Variants in DNAH5 observed in about 807,000 individuals in gnomAD.
DNAH5 encodes axonemal beta dynein heavy chain 5.
A neutral mutation model predicts 518.2 loss-of-function variants in DNAH5; 372 were observed. The ratio of observed to expected loss-of-function variants is 0.72; its 90% confidence interval spans 0.66 to 0.78. The LOEUF (loss-of-function observed/expected upper bound fraction) is 0.78, where lower values mean the gene tolerates loss of function less well. Among genes scored for constraint, DNAH5 ranks in the 30% least tolerant of loss-of-function variants. The probability of loss-of-function intolerance (pLI) is 0.00; values close to 1 mark genes in which losing one functional copy is unlikely to be tolerated. For synonymous variants in DNAH5, 2,039 were observed against 2,025.9 expected, an observed-to-expected ratio of 1.01 and a Z score of -0.17; for missense variants, 5,523 against 5,687.0, an observed-to-expected ratio of 0.97 and a Z score of 0.93.
intron 75 of DNAH5, among the ~76,000 whole-genome samples, chr5:13,711,101 A>G (rs1743421886): frequency 6.6e-6 from 1 of 152,186 alleles, no homozygotes; most frequent in Admixed American, 6.5e-5. Flanking sequence ...CGATGGACAT[A>G]GATGCTAAAA....
At chr5:13,864,802 T>C (rs1013665846) in intron 27 of DNAH5, among the ~76,000 whole-genome samples, 165 bp from the exon 28 acceptor site, 9 of 152,162 alleles carry the variant, frequency 5.9e-5, no homozygotes, top group Non-Finnish European at 1.0e-4. Flanking sequence ...TACAGATGAC[T>C]TTTATATTAC....
At chr5:13,753,678 G>A in intron 62 of DNAH5, 129 bp from the exon 63 acceptor site, 2 of 845,624 alleles carry the variant, frequency 2.4e-6, no homozygotes, top group Admixed American at 2.8e-5. Flanking sequence ...CAAACTGGAG[G>A]CACAAGTGGC....
intron 74 of DNAH5, among the ~76,000 whole-genome samples, chr5:13,715,830 T>C (rs1744212041): frequency 6.6e-6 from 1 of 152,212 alleles, no homozygotes; most frequent in Non-Finnish European, 1.5e-5. Flanking sequence ...CATTTGGCAA[T>C]TTCAGGAGAC....
intron 1 of DNAH5, among the ~76,000 whole-genome samples, chr5:13,958,618 T>A (rs987138301): frequency 6.6e-6 from 1 of 152,198 alleles, no homozygotes; most frequent in Non-Finnish European, 1.5e-5. Flanking sequence ...ACAGCCATTT[T>A]ATTTTCGTAA....
At chr5:13,805,979 T>C (rs1019968997) in intron 47 of DNAH5, among the ~76,000 whole-genome samples, 2 of 152,168 alleles carry the variant, frequency 1.3e-5, no homozygotes, top group Non-Finnish European at 2.9e-5. Context: ...AGAACTACAC[T>C]GTAGGCCTAA....
At chr5:13,993,075 A>G (rs1472863216) in intron 1 of DNAH5, among the ~76,000 whole-genome samples, 1 of 152,256 alleles carries the variant, frequency 6.6e-6, no homozygotes, top group Non-Finnish European at 1.5e-5. Context: ...ATGGAAAGTC[A>G]TAGACACAGA....
chr5:13,844,702 G>C (rs956660588), intron 32 of DNAH5, 135 bp downstream of exon 32: 114 of 1,124,706 alleles, frequency 1.0e-4, no homozygotes, highest in Non-Finnish European at 1.4e-4. Context: ...CCCGAGATTT[G>C]TTTTTAGTCA....
chr5:13,758,142 A>G (rs1471277497), intron 61 of DNAH5, among the ~76,000 whole-genome samples: 1 of 152,066 alleles, frequency 6.6e-6, no homozygotes, highest in East Asian at 1.9e-4. Flanking sequence ...GGTTACTTAG[A>G]AACTCAGGTA....
intron 11 of DNAH5, among the ~76,000 whole-genome samples, chr5:13,912,391 G>A (rs1776095811): frequency 6.6e-6 from 1 of 151,222 alleles, no homozygotes; most frequent in African/African-American, 2.4e-5. Context: ...TACAAAATTA[G>A]TTCTATTTAG....
chr5:13,695,732 G>T (rs971957327), intron 78 of DNAH5, among the ~76,000 whole-genome samples: 1 of 152,056 alleles, frequency 6.6e-6, no homozygotes, highest in East Asian at 1.9e-4. Flanking sequence ...GTATGTGCCT[G>T]GTATAGTATG....
Position 13,824,314 on chromosome 5 carries a change from A to T in DNAH5, c.6464T>A (p.Leu2155Gln). The change falls in exon 39 of 79, where the codon CTG (leucine) becomes CAG (glutamine). Residue 2155 changes from leucine (L) to glutamine (Q), a missense_variant. Coordinates refer to ENST00000265104, the MANE Select transcript of DNAH5 (RefSeq NM_001369.3). ...LSKQVHYDFG[L>Q]RNILSVLRTL... is the part of the protein sequence containing the mutation. The stretch of plus-strand genomic sequence containing the variant: ...CCGAAGAACTGACAGAATGTTACGC[A>T]GGCCAAAGTCATAATGAACCTAGAG... 6.2e-7 allele frequency: 1 copy of T among 1,614,122 alleles called. No individual in the cohort carries two copies.
At chr5:13,717,049 C>A (rs1356829187) in intron 73 of DNAH5, among the ~76,000 whole-genome samples, 1 of 152,154 alleles carries the variant, frequency 6.6e-6, no homozygotes, top group Non-Finnish European at 1.5e-5. Context: ...CAAGCTTCCC[C>A]ACCCACACCC....
intron 25 of DNAH5, among the ~76,000 whole-genome samples, chr5:13,866,990 T>C (rs1769345864): frequency 6.6e-6 from 1 of 152,186 alleles, no homozygotes; most frequent in Non-Finnish European, 1.5e-5. Context: ...TCCACTACTG[T>C]GTAGTCAGCA....
chr5:13,809,129 G>A lies in DNAH5; in HGVS notation c.7667C>T (p.Thr2556Ile), dbSNP rs1478379276. The change falls in exon 46 of 79, where the codon ACC (threonine) becomes ATC (isoleucine). Residue 2556 changes from threonine to isoleucine, a missense_variant. Physicochemically the swap from Thr to Ile is moderately conservative, Grantham distance 89 (BLOSUM62 -1). Around this residue, in one of 3 missense-constraint regions of DNAH5, gnomAD observed 5,121 missense variants for 5,223.3 expected, o/e 0.98. Transcript: ENST00000265104. ...CACCAGAATAGAACCATACTCTGGGGTGGTATCAGACGGATACAGGTATTC... is the reference window on the plus strand; with the variant it reads ...CACCAGAATAGAACCATACTCTGGGATGGTATCAGACGGATACAGGTATTC... ...TQEYLYPSDTTPEYGSILVPN... is the reference protein window; with the variant it reads ...TQEYLYPSDTIPEYGSILVPN... The A allele has an allele frequency of 6.2e-7, 1 of 1,614,044 alleles. No homozygotes were observed. Among genetic ancestry groups the A allele is most frequent in the East Asian group, 2.2e-5 (1 of 44,896 alleles).
intron 22 of DNAH5, 112 bp downstream of exon 22, chr5:13,876,572 A>C (rs1770918242): frequency 7.8e-7 from 1 of 1,287,524 alleles, no homozygotes; most frequent in African/African-American, 1.5e-5. Flanking sequence ...TGCTCCCTGA[A>C]AGCACAGTGT....
At chr5:13,717,058 C>A (rs1165709966) in intron 73 of DNAH5, among the ~76,000 whole-genome samples, 1 of 152,148 alleles carries the variant, frequency 6.6e-6, no homozygotes, top group East Asian at 1.9e-4. Flanking sequence ...CCACCCACAC[C>A]CCCTGAGAAC....
Position 13,839,390 on chromosome 5 carries a change from T to C in DNAH5, c.5848A>G (p.Thr1950Ala), listed in dbSNP as rs368863709. ...FIYQNEFLGC[T>A]DRLVITPLTD... The stretch of plus-strand genomic sequence containing the variant: ...AGTGGAGTTATTACAAGCCTGTCAG[T>C]GCAGCCTAAAAATTCATTCTGGTAT... The change falls in exon 35 of 79, where the codon ACT (threonine) becomes GCT (alanine). Residue 1950 changes from threonine (T) to alanine (A), a missense_variant. By Grantham distance (58) the Thr-to-Ala change is moderately conservative (BLOSUM62 0). This residue lies in a region of DNAH5 where 5,121 missense variants were observed against 5,223.3 expected (regional missense o/e 0.98). Transcript: ENST00000265104. 6.9e-5 allele frequency: 111 copies of C among 1,614,054 alleles called. No homozygotes were observed. Among genetic ancestry groups the C allele is most frequent in the Admixed American group, 1.2e-4 (7 of 60,008 alleles).
chr5:13,988,510 A>G (rs897920731), intron 1 of DNAH5, among the ~76,000 whole-genome samples: 1 of 147,890 alleles, frequency 6.8e-6, no homozygotes, highest in African/African-American at 2.5e-5. Context: ...CTCTGCCTCC[A>G]GGGTTCAAGT....
At chr5:13,856,995 T>C (rs185675734) in intron 30 of DNAH5, among the ~76,000 whole-genome samples, 144 of 152,318 alleles carry the variant, frequency 9.5e-4, no homozygotes, top group Admixed American at 7.9e-3. Flanking sequence ...CAACATAGTA[T>C]TGGTAGTTCT....
Sources: allele counts gnomAD v4.1 joint callset (sites outside exome capture counted in the v4.1 genomes callset), GRCh38; gene constraint gnomAD v4.1.1; regional missense constraint gnomAD v4.1.1; transcripts MANE v1.5; gene names NCBI Gene and HGNC (gene_info 2026-07-23, HGNC 2026-07-21).